Variants in RBKS observed in about 807,000 individuals in gnomAD.
RBKS encodes the protein ribokinase.
Under a neutral mutation model 33.9 loss-of-function variants are expected in RBKS, and 33 were observed. The observed-to-expected ratio is 0.97, with a 90% CI of 0.74 to 1.30. The LOEUF (loss-of-function observed/expected upper bound fraction) is 1.30. Ranked by LOEUF, RBKS falls within the 50% of genes most tolerant of loss-of-function variation. The pLI is 0.00. For synonymous variants in RBKS, 125 were observed against 143.0 expected, an observed-to-expected ratio of 0.87 and a Z score of 0.90; for missense variants, 361 against 392.6, an observed-to-expected ratio of 0.92 and a Z score of 0.68.
At chr2:27,811,712 A>G (rs1353989221) in intron 7 of RBKS, among the ~76,000 whole-genome samples, 2 of 152,342 alleles carry the variant, frequency 1.3e-5, no homozygotes, top group East Asian at 1.9e-4. Flanking sequence ...AAAAATAGAA[A>G]TAAGATTTTC....
At chr2:27,878,302 T>C (rs1664354683) in intron 1 of RBKS, among the ~76,000 whole-genome samples, 4 of 152,136 alleles carry the variant, frequency 2.6e-5, no homozygotes, top group Middle Eastern at 6.8e-3. Context: ...GTTCTTGCGA[T>C]AGTTTACTGA....
At chr2:27,817,496 C>T (rs1678115842) in intron 7 of RBKS, among the ~76,000 whole-genome samples, 1 of 152,084 alleles carries the variant, frequency 6.6e-6, no homozygotes, top group Admixed American at 6.5e-5. Context: ...TGTATTAGTC[C>T]ATTTTCACAC....
intron 5 of RBKS, 44 bp downstream of exon 5, chr2:27,843,023 C>A: frequency 7.0e-7 from 1 of 1,431,234 alleles, no homozygotes; most frequent in Non-Finnish European, 9.4e-7. Context: ...ATTAAGACAG[C>A]GATAAAAGCT....
intron 2 of RBKS, among the ~76,000 whole-genome samples, chr2:27,849,559 C>CAAAAAA (rs70953894): frequency 0.024 from 610 of 25,810 alleles, no homozygotes; most frequent in Middle Eastern, 0.048. Context: ...GACTCTGTCT[C>CAAAAAA]AAAAAAAAAA....
intron 7 of RBKS, among the ~76,000 whole-genome samples, chr2:27,789,949 GTATATA>G (rs35109548): frequency 1.7e-4 from 21 of 121,484 alleles, no homozygotes; most frequent in African/African-American, 3.3e-4. Context: ...ATGTATATGT[GTATATA>G]TATATATATA....
At chr2:27,801,827 C>T (rs538699064) in intron 7 of RBKS, among the ~76,000 whole-genome samples, 18 of 150,686 alleles carry the variant, frequency 1.2e-4, no homozygotes, top group African/African-American at 2.7e-4. Context: ...AAGAGAGTGA[C>T]GGGGAAGATG....
At chr2:27,814,828 G>A (rs1678056738) in intron 7 of RBKS, among the ~76,000 whole-genome samples, 1 of 152,110 alleles carries the variant, frequency 6.6e-6, no homozygotes, top group Admixed American at 6.6e-5. Flanking sequence ...CCACAGTATA[G>A]AACACTTCTG....
intron 1 of RBKS, among the ~76,000 whole-genome samples, chr2:27,860,736 C>A (rs745609432): frequency 4.6e-5 from 7 of 152,090 alleles, no homozygotes; most frequent in Non-Finnish European, 8.8e-5. Context: ...CACTGAAATT[C>A]TTCACTCTTT....
intron 7 of RBKS, among the ~76,000 whole-genome samples, chr2:27,790,427 T>C (rs1392377477): frequency 1.3e-5 from 2 of 152,166 alleles, no homozygotes; most frequent in African/African-American, 2.4e-5. Context: ...AGCACAAAGA[T>C]TAAAAAACCT....
At chr2:27,823,161 G>A (rs4666020) in intron 7 of RBKS, among the ~76,000 whole-genome samples, 39,172 of 152,034 alleles carry the variant, frequency 0.26, 5,962 homozygotes, top group East Asian at 0.63. Context: ...TTTGGAGGCT[G>A]AGATTCAGAT....
intron 7 of RBKS, among the ~76,000 whole-genome samples, chr2:27,803,282 AT>A (rs1252852462): frequency 1.3e-5 from 2 of 152,140 alleles, no homozygotes; most frequent in African/African-American, 4.8e-5. Context: ...TTTTCTTATC[AT>A]TATTGTGTAA....
chr2:27,809,018 C>G (rs1260790100), intron 7 of RBKS, among the ~76,000 whole-genome samples: 1 of 152,232 alleles, frequency 6.6e-6, no homozygotes, highest in Non-Finnish European at 1.5e-5. Flanking sequence ...AGAACATTTT[C>G]TGTTTTGCTT....
intron 5 of RBKS, among the ~76,000 whole-genome samples, chr2:27,841,743 C>CACACAA (rs1231708711): frequency 6.6e-6 from 1 of 151,702 alleles, no homozygotes; most frequent in African/African-American, 2.4e-5. Flanking sequence ...CACACACACA[C>CACACAA]ACACACACAC....
At chr2:27,856,112 C>A (rs566372061) in intron 2 of RBKS, among the ~76,000 whole-genome samples, 4 of 152,246 alleles carry the variant, frequency 2.6e-5, no homozygotes, top group African/African-American at 4.8e-5. Flanking sequence ...ATATGATTTT[C>A]TTTTTAAGAA....
intron 7 of RBKS, among the ~76,000 whole-genome samples, chr2:27,823,363 G>A (rs938561025): frequency 6.6e-6 from 1 of 152,208 alleles, no homozygotes; most frequent in African/African-American, 2.4e-5. Flanking sequence ...GACGTAGAAC[G>A]GGAAATGGCT....
In RBKS at chr2:27,812,623, C is replaced by T. The variant is rs1347287261; in HGVS notation, c.795+14944G>A. 4.9e-4 allele frequency among the ~76,000 whole-genome samples: 75 copies of T among 152,206 alleles called. 1 individual carries two copies. The highest frequency in any genetic ancestry group is 4.7e-3 in the Admixed American group (72 of 15,294). On this transcript the variant is annotated intron_variant, in intron 7 of 7. Coordinates refer to ENST00000302188, the MANE Select transcript of RBKS (RefSeq NM_022128.3). ...ATCGCAAGGACAAAAAACCAAACAC[C>T]GCATGTTCTCATTCATAGGTGGGAA...
chr2:27,793,221 T>A (rs1369463350), intron 7 of RBKS, among the ~76,000 whole-genome samples: 1 of 152,234 alleles, frequency 6.6e-6, no homozygotes, highest in African/African-American at 2.4e-5. Context: ...AAAGTCACTA[T>A]TCTGCAACAA....
chr2:27,812,978 A>G (rs1225837485), intron 7 of RBKS, among the ~76,000 whole-genome samples: 3 of 152,060 alleles, frequency 2.0e-5, no homozygotes, highest in Non-Finnish European at 4.4e-5. Flanking sequence ...TATATGCTGT[A>G]GTACATTTTA....
intron 2 of RBKS, among the ~76,000 whole-genome samples, chr2:27,857,857 C>A (rs555852052): frequency 6.6e-6 from 1 of 152,210 alleles, no homozygotes; most frequent in South Asian, 2.1e-4. Context: ...TCTTTAAAAA[C>A]AATAAACTTC....
Sources: gnomAD v4.1 joint callset for allele counts (sites outside exome capture counted in the v4.1 genomes callset) on GRCh38, gnomAD v4.1.1 for gene constraint, MANE v1.5 for transcripts, NCBI Gene and HGNC (gene_info 2026-07-23, HGNC 2026-07-21) for gene names.